Variants in CFAP299 observed in about 807,000 individuals in gnomAD.
CFAP299 encodes the protein cilia- and flagella-associated protein 299.
CFAP299 carries 21 observed loss-of-function variants against 27.0 expected under a neutral mutation model. That is an observed-to-expected ratio of 0.78 (90% confidence interval 0.55 to 1.12). CFAP299 has a LOEUF of 1.12. Ranked by LOEUF, CFAP299 falls within the 50% of genes most tolerant of loss-of-function variation. The probability of loss-of-function intolerance (pLI) is 0.00; values close to 1 mark genes in which losing one functional copy is unlikely to be tolerated. For synonymous variants in CFAP299, 104 were observed against 98.1 expected, an observed-to-expected ratio of 1.06 and a Z score of -0.36; for missense variants, 310 against 276.6, an observed-to-expected ratio of 1.12 and a Z score of -0.86.
At chr4:80,372,890 T>A (rs551862454) in intron 2 of CFAP299, among the ~76,000 whole-genome samples, 57 of 152,324 alleles carry the variant, frequency 3.7e-4, no homozygotes, top group Admixed American at 8.5e-4. Context: ...TATTTCCTAA[T>A]TGAGGCAGAA....
chr4:80,816,266 G>C (rs1488640349), intron 3 of CFAP299, among the ~76,000 whole-genome samples: 1 of 152,032 alleles, frequency 6.6e-6, no homozygotes, highest in Non-Finnish European at 1.5e-5. Flanking sequence ...TCCAAATCTA[G>C]AGCCAATATG....
intron 3 of CFAP299, among the ~76,000 whole-genome samples, chr4:80,662,510 T>C (rs1262445129): frequency 1.3e-5 from 2 of 152,084 alleles, no homozygotes; most frequent in Non-Finnish European, 2.9e-5. Context: ...TAAGTATTGT[T>C]ATAATCATCA....
intron 3 of CFAP299, among the ~76,000 whole-genome samples, chr4:80,712,861 G>T (rs896209560): frequency 6.6e-6 from 1 of 152,038 alleles, no homozygotes; most frequent in Non-Finnish European, 1.5e-5. Flanking sequence ...CCAATATTTT[G>T]CTTCAAACCT....
chr4:80,381,218 C>T (rs1235954618), intron 2 of CFAP299, among the ~76,000 whole-genome samples: 1 of 152,082 alleles, frequency 6.6e-6, no homozygotes, highest in Non-Finnish European at 1.5e-5. Flanking sequence ...AATTCTATTT[C>T]CCATGCCAAA....
chr4:80,651,289 TA>T (rs1740266115), intron 3 of CFAP299, among the ~76,000 whole-genome samples: 16 of 89,756 alleles, frequency 1.8e-4, no homozygotes, highest in Admixed American at 3.9e-4. Flanking sequence ...TTCTCTCTCT[TA>T]CTCTCTCTCT....
intron 2 of CFAP299, among the ~76,000 whole-genome samples, chr4:80,434,479 A>G (rs13151673): frequency 6.6e-6 from 1 of 152,202 alleles, no homozygotes; most frequent in Non-Finnish European, 1.5e-5. Flanking sequence ...GTGTATTTTA[A>G]ATACTTTTAA....
At position 80,562,922 on chromosome 4, in the gene CFAP299, T is replaced by G. The variant is rs1735112305; in HGVS notation, c.243-20171T>G. On this transcript the variant is annotated intron_variant, in intron 2 of 5. Coordinates refer to ENST00000358105, the MANE Select transcript of CFAP299 (RefSeq NM_152770.3). Reference sequence around the variant, plus strand: ...TACTTATATCAGACAAAAAAATGTTTCAGACAAAAATTATAAGAAGATACA... The same window carrying G: ...TACTTATATCAGACAAAAAAATGTTGCAGACAAAAATTATAAGAAGATACA... Among the ~76,000 whole-genome samples the G allele has an allele frequency of 3.3e-5, 5 of 151,956 alleles. No homozygotes were observed. The South Asian group carries it at 1.0e-3, about 32-fold the overall frequency.
At chr4:80,824,143 C>T (rs898788741) in intron 3 of CFAP299, among the ~76,000 whole-genome samples, 3 of 152,094 alleles carry the variant, frequency 2.0e-5, no homozygotes, top group African/African-American at 7.2e-5. Context: ...TGTCTTCCCA[C>T]CTAGACAACA....
At chr4:80,510,043 C>T (rs1303880401) in intron 2 of CFAP299, among the ~76,000 whole-genome samples, 1 of 152,122 alleles carries the variant, frequency 6.6e-6, no homozygotes, top group African/African-American at 2.4e-5. Context: ...AATGCTCTGT[C>T]ACCATCTTGA....
chr4:80,838,612 T>C (rs1000255639), intron 3 of CFAP299, among the ~76,000 whole-genome samples: 2 of 152,020 alleles, frequency 1.3e-5, no homozygotes, highest in African/African-American at 4.8e-5. Flanking sequence ...GTTCTGTTCC[T>C]TTGGTCTATG....
chr4:80,344,864 C>T (rs1440727422), intron 1 of CFAP299, among the ~76,000 whole-genome samples: 1 of 151,926 alleles, frequency 6.6e-6, no homozygotes, highest in Non-Finnish European at 1.5e-5. Context: ...TGTAATTCAT[C>T]ATATAAACAT....
chr4:80,697,459 G>A (rs1721177332), intron 3 of CFAP299, among the ~76,000 whole-genome samples: 1 of 152,142 alleles, frequency 6.6e-6, no homozygotes. Flanking sequence ...AGATACTGGA[G>A]CCACTAATAT....
chr4:80,530,880 C>A (rs1240956734), intron 2 of CFAP299, among the ~76,000 whole-genome samples: 1 of 152,086 alleles, frequency 6.6e-6, no homozygotes, highest in African/African-American at 2.4e-5. Context: ...CATGGATAAG[C>A]AAGAGAGCTG....
intron 4 of CFAP299, chr4:80,870,994 C>A: frequency 1.6e-6 from 1 of 635,420 alleles, no homozygotes; most frequent in Non-Finnish European, 2.0e-6. Flanking sequence ...GCTACTTCCA[C>A]CTCACGGGTT....
chr4:80,520,734 G>A (rs572877701), intron 2 of CFAP299, among the ~76,000 whole-genome samples: 2 of 152,284 alleles, frequency 1.3e-5, no homozygotes, highest in South Asian at 2.1e-4. Flanking sequence ...AGATAGAATC[G>A]AAGACGAGTT....
At chr4:80,490,567 G>A (rs1010436240) in intron 2 of CFAP299, among the ~76,000 whole-genome samples, 2 of 152,268 alleles carry the variant, frequency 1.3e-5, no homozygotes, top group East Asian at 3.9e-4. Context: ...AATAAATGCT[G>A]AACCAATAGG....
At chr4:80,516,017 C>CT (rs34249511) in intron 2 of CFAP299, among the ~76,000 whole-genome samples, 1,746 of 119,490 alleles carry the variant, frequency 0.015, 35 homozygotes, top group African/African-American at 0.032. Flanking sequence ...TTCTGCATTT[C>CT]TTTTTTTTTT....
At chr4:80,560,326 T>C (rs954535463) in intron 2 of CFAP299, among the ~76,000 whole-genome samples, 1 of 151,898 alleles carries the variant, frequency 6.6e-6, no homozygotes, top group Non-Finnish European at 1.5e-5. Context: ...AGGTACTATG[T>C]CAAGGGCCTT....
In CFAP299 at chr4:80,390,648, T is replaced by TATATGCATACACATATATGTAG. The variant is rs1560543323; in HGVS notation, c.242+27764_242+27765insATATGCATACACATATATGTAG. ...GTATATATGTATACACATATATGTA[T>TATATGCATACACATATATGTAG]GTACACACATATGTATATATGTATA... On this transcript the variant is annotated intron_variant, in intron 2 of 5. Transcript: ENST00000358105. 5.6e-4 allele frequency among the ~76,000 whole-genome samples: 65 copies of TATATGCATACACATATATGTAG among 116,884 alleles called. 1 individual carries two copies. Among genetic ancestry groups the TATATGCATACACATATATGTAG allele is most frequent in the African/African-American group, 2.0e-3 (60 of 29,640 alleles). The allele number at this position is 116,884 out of a possible 152,430, so 76.7% of individuals were successfully genotyped here.
Sources: allele counts gnomAD v4.1 joint callset (sites outside exome capture counted in the v4.1 genomes callset), GRCh38; gene constraint gnomAD v4.1.1; transcripts MANE v1.5; gene names NCBI Gene and HGNC (gene_info 2026-07-23, HGNC 2026-07-21).